The following ALOX5 variants were observed in gnomAD, a reference collection of about 807,000 sequenced individuals.
ALOX5 encodes polyunsaturated fatty acid 5-lipoxygenase.
ALOX5 carries 64 observed loss-of-function variants against 87.9 expected under a neutral mutation model. That is an observed-to-expected ratio of 0.73 (90% CI 0.60 to 0.90). The LOEUF (loss-of-function observed/expected upper bound fraction) is 0.90. Ranked by LOEUF, ALOX5 falls within the 40% of genes least tolerant of loss-of-function variation. The probability of loss-of-function intolerance (pLI) is 0.00; values close to 1 mark genes in which losing one functional copy is unlikely to be tolerated. For missense variants in ALOX5, 822 were observed against 907.5 expected, an observed-to-expected ratio of 0.91 and a Z score of 1.21; for synonymous variants, 388 against 355.1, an observed-to-expected ratio of 1.09 and a Z score of -1.04.
chr10:45,414,551 C>T (rs1383738863), intron 4 of ALOX5, among the ~76,000 whole-genome samples: 1 of 152,140 alleles, frequency 6.6e-6, no homozygotes, highest in East Asian at 1.9e-4. Context: ...GTCTAAAACA[C>T]CAAAAGCAAT....
rs78281156 is a variant in ALOX5 at position 45,430,218 on chromosome 10, T to C, written c.981+1454T>C. Reference sequence around the variant, plus strand: ...GTCAGGGGCCTAGCTTAAATTCCAGTTCAGCCACTTGCTAGCAGGCTGTGG... The same window carrying C: ...GTCAGGGGCCTAGCTTAAATTCCAGCTCAGCCACTTGCTAGCAGGCTGTGG... On this transcript the variant is annotated intron_variant, in intron 7 of 13. Transcript: ENST00000374391. 3.8e-3 allele frequency among the ~76,000 whole-genome samples: 579 copies of C among 152,292 alleles called. 11 individuals are homozygous for C. The East Asian group carries it at 0.053, about 14-fold the overall frequency.
rs773127996 is a variant in ALOX5, at chr10:45,374,318, G to A, written c.39G>A (p.Gln13=). The A allele has an allele frequency of 6.6e-7, 1 of 1,522,596 alleles. No individual in the cohort carries two copies. Among genetic ancestry groups the A allele is most frequent in the Admixed American group, 2.1e-5 (1 of 47,044 alleles). The allele number at this position is 1,522,596 out of a possible 1,614,324, so 94.3% of individuals were successfully genotyped here. A position where few individuals can be genotyped will look rare whatever the true frequency, so the allele number is the denominator to read the frequency against. Reference sequence around the variant, plus strand: ...CGGTCACCGTGGCCACTGGCAGCCAGTGGTTCGCCGGCACTGACGACTACA... The same window carrying A: ...CGGTCACCGTGGCCACTGGCAGCCAATGGTTCGCCGGCACTGACGACTACA... ...SYTVTVATGS[Q]WFAGTDDYIY... Residue 13 remains glutamine (Q), a synonymous_variant, in exon 1 of 14, where the codon CAG becomes CAA. Coordinates refer to ENST00000374391, the MANE Select transcript of ALOX5 (RefSeq NM_000698.5).
At chr10:45,392,001 C>T (rs1342299405) in intron 2 of ALOX5, among the ~76,000 whole-genome samples, 41 of 150,328 alleles carry the variant, frequency 2.7e-4, no homozygotes, top group African/African-American at 9.8e-4. Context: ...GGGCGGTCAG[C>T]CCCCCGCCCG....
At chr10:45,385,411 G>A (rs532657615) in intron 2 of ALOX5, among the ~76,000 whole-genome samples, 18 of 152,300 alleles carry the variant, frequency 1.2e-4, no homozygotes, top group African/African-American at 2.9e-4. Context: ...CTCTTCTGCC[G>A]TCAGTCCAGG....
chr10:45,385,817 A>T lies in ALOX5; in HGVS notation c.349+3136A>T, dbSNP rs190459780. Among the ~76,000 whole-genome samples the T allele has an allele frequency of 3.2e-3, 484 of 152,294 alleles. 1 individual carries two copies. Among genetic ancestry groups the T allele is most frequent in the African/African-American group, 0.01 (425 of 41,566 alleles). ...TATTCCTTTTTGGACCCCAGTTCCA[A>T]GCTCAAGGATGAAGATGTCTCAGCC... On this transcript the variant is annotated intron_variant, in intron 2 of 13. Transcript: ENST00000374391.
chr10:45,380,561 C>G (rs559160104), intron 1 of ALOX5, among the ~76,000 whole-genome samples: 1 of 152,220 alleles, frequency 6.6e-6, no homozygotes, highest in African/African-American at 2.4e-5. Context: ...TGATACCCCT[C>G]GCCCCTTCCA....
intron 1 of ALOX5, among the ~76,000 whole-genome samples, chr10:45,378,302 A>T (rs1023386700): frequency 6.6e-6 from 1 of 152,094 alleles, no homozygotes; most frequent in African/African-American, 2.4e-5. Flanking sequence ...TTTTCTCAAG[A>T]TGTGGCCTTG....
chr10:45,387,892 GATTTCTGC>G (rs1264147204), intron 2 of ALOX5, among the ~76,000 whole-genome samples: 1 of 152,242 alleles, frequency 6.6e-6, no homozygotes, highest in Non-Finnish European at 1.5e-5. Context: ...GAAGATGGGT[GATTTCTGC>G]ATTTCCAACT....
intron 13 of ALOX5, 38 bp from the exon 14 acceptor site, chr10:45,445,470 G>C: frequency 3.1e-6 from 5 of 1,595,986 alleles, no homozygotes; most frequent in Non-Finnish European, 4.3e-6. Flanking sequence ...CACGGGTAGT[G>C]GATTGACCTA....
At chr10:45,444,435 C>T in intron 13 of ALOX5, 149 bp downstream of exon 13, 11 of 1,100,710 alleles carry the variant, frequency 1.0e-5, no homozygotes, top group South Asian at 3.4e-5. Flanking sequence ...AGGCTGCAGC[C>T]GCCACCAGGT....
intron 2 of ALOX5, among the ~76,000 whole-genome samples, chr10:45,391,926 C>A (rs61854068): frequency 8.3e-4 from 97 of 116,752 alleles, no homozygotes; most frequent in Non-Finnish European, 1.2e-3. Context: ...CGCCCGGCAG[C>A]CGCCCCGTCT....
In ALOX5 at chr10:45,425,216, C is replaced by A; in HGVS notation, c.834+84C>A. Reference sequence around the variant, plus strand: ...TTCCTCCTGGCCAGTGCTCATAGGCCACCAAGACGCTAACTGCAGGCCCAT... The same window carrying A: ...TTCCTCCTGGCCAGTGCTCATAGGCAACCAAGACGCTAACTGCAGGCCCAT... On this transcript the variant is annotated intron_variant, in intron 6 of 13. Coordinates refer to ENST00000374391, the MANE Select transcript of ALOX5 (RefSeq NM_000698.5). The surrounding 1 kb of genome is among the most constrained non-coding windows in gnomAD (Gnocchi z 4.4). The A allele has an allele frequency of 6.8e-7, 1 of 1,463,610 alleles. No individual in the cohort carries two copies. Among genetic ancestry groups the A allele is most frequent in the Non-Finnish European group, 9.1e-7 (1 of 1,095,136 alleles). The allele number at this position is 1,463,610 out of a possible 1,614,324, so 90.7% of individuals were successfully genotyped here.
chr10:45,375,046 T>G (rs1216626364), intron 1 of ALOX5, among the ~76,000 whole-genome samples: 1 of 151,978 alleles, frequency 6.6e-6, no homozygotes, highest in Non-Finnish European at 1.5e-5. Context: ...GGTCCATGAG[T>G]CATGGGTGAG....
intron 3 of ALOX5, among the ~76,000 whole-genome samples, chr10:45,407,779 T>C (rs1433917620): frequency 1.3e-5 from 2 of 152,162 alleles, no homozygotes; most frequent in Admixed American, 1.3e-4. Context: ...ATCTGGTGGG[T>C]GACTGCACTT....
intron 7 of ALOX5, among the ~76,000 whole-genome samples, chr10:45,431,861 C>T (rs12253903): frequency 0.026 from 3,948 of 152,118 alleles, 158 homozygotes; most frequent in African/African-American, 0.089. Flanking sequence ...CGTGAGCTAC[C>T]GCACCCGGCC....
At position 45,445,778 on chromosome 10, in the gene ALOX5, C is replaced by A; in HGVS notation, c.*91C>A. 1 of 1,378,538 alleles carries A rather than the reference C, an allele frequency of 7.3e-7. No homozygotes were observed. The highest frequency in any genetic ancestry group is 1.0e-6 in the Non-Finnish European group (1 of 996,156). The allele number at this position is 1,378,538 out of a possible 1,614,324, so 85.4% of individuals were successfully genotyped here. ...CAGGCTGTCTGGCCAGGCCTCTTGG[C>A]AGTCACATCTCTTCCTCCGAGGCCA... On this transcript the variant is annotated 3_prime_UTR_variant, in exon 14 of 14. Coordinates refer to ENST00000374391, the MANE Select transcript of ALOX5 (RefSeq NM_000698.5).
rs2132873882 is a variant in ALOX5, at chr10:45,446,106, G to GT, written c.*421dup. The GT allele has an allele frequency of 5.9e-6, 1 of 169,660 alleles. No homozygotes were observed. The highest frequency in any genetic ancestry group is 1.7e-4 in the East Asian group (1 of 6,016). 10.5% of individuals were successfully genotyped at this position (169,660 alleles called of 1,614,324 possible). On this transcript the variant is annotated 3_prime_UTR_variant, in exon 14 of 14. Coordinates refer to ENST00000374391, the MANE Select transcript of ALOX5 (RefSeq NM_000698.5). ...AATTGGTTGCCATAAAAATAAATCA[G>GT]TTCATTTAAAATGGGTCTTGTTCCA...
intron 3 of ALOX5, among the ~76,000 whole-genome samples, chr10:45,409,383 G>T (rs987512848): frequency 1.3e-5 from 2 of 152,200 alleles, no homozygotes; most frequent in Non-Finnish European, 2.9e-5. Flanking sequence ...ACATCTCACA[G>T]TGATTATTCT....
chr10:45,382,512 G>A lies in ALOX5; in HGVS notation c.180G>A (p.Glu60=). The A allele has an allele frequency of 2.5e-6, 4 of 1,614,220 alleles. No homozygotes were observed. Among genetic ancestry groups the A allele is most frequent in the Non-Finnish European group, 3.4e-6 (4 of 1,180,052 alleles). Residue 60 remains glutamate (E), a synonymous_variant, in exon 2 of 14, where the codon GAG becomes GAA. Coordinates refer to ENST00000374391, the MANE Select transcript of ALOX5 (RefSeq NM_000698.5). ...AVDSYDVTVD[E]ELGEIQLVRI... Reference sequence around the variant, plus strand: ...ATTCATACGACGTGACTGTGGACGAGGAACTGGGCGAGATCCAGCTGGTCA... The same window carrying A: ...ATTCATACGACGTGACTGTGGACGAAGAACTGGGCGAGATCCAGCTGGTCA...
Sources: allele counts gnomAD v4.1 joint callset (sites outside exome capture counted in the v4.1 genomes callset), GRCh38; gene constraint gnomAD v4.1.1; non-coding constraint Gnocchi (gnomAD v3.1); transcripts MANE v1.5; gene names NCBI Gene and HGNC (gene_info 2026-07-23, HGNC 2026-07-21).